The following TSPAN4 variants were observed in gnomAD, a reference collection of about 807,000 sequenced individuals.
TSPAN4 encodes tetraspanin 4, also known as tetraspanin-4.
A neutral mutation model predicts 31.5 loss-of-function variants in TSPAN4; 38 were observed. The ratio of observed to expected loss-of-function variants is 1.21; its 90% CI spans 0.93 to 1.58. The LOEUF is 1.58. Ranked by LOEUF, TSPAN4 falls within the 40% of genes most tolerant of loss-of-function variation. The probability of loss-of-function intolerance (pLI) is 0.00; values close to 1 mark genes in which losing one functional copy is unlikely to be tolerated. For missense variants in TSPAN4, 330 were observed against 317.3 expected (o/e 1.04, Z -0.30); for synonymous variants, 186 against 144.6 (o/e 1.29, Z -2.06).
At chr11:853,123 G>A (rs1422767986) in intron 3 of TSPAN4, among the ~76,000 whole-genome samples, 1 of 152,080 alleles carries the variant, frequency 6.6e-6, no homozygotes, top group African/African-American at 2.4e-5. Context: ...GGGAGGGGTT[G>A]GGGGGCTGGG....
At position 865,659 on chromosome 11, in the gene TSPAN4, C is replaced by G. The variant is rs199954651; in HGVS notation, c.433-35C>G. 153 of 1,612,560 alleles carry G rather than the reference C, an allele frequency of 9.5e-5. 1 individual carries two copies. The highest frequency in any genetic ancestry group is 6.7e-5 in the Admixed American group (4 of 59,968). Reference sequence around the variant, plus strand: ...GCGGGGTCGGCGGGTGCCCCCTCCCCTCCTGCCTCAGCCCGACCTGAGCTT... The same window carrying G: ...GCGGGGTCGGCGGGTGCCCCCTCCCGTCCTGCCTCAGCCCGACCTGAGCTT... On this transcript the variant is annotated intron_variant, in intron 6 of 8. Transcript: ENST00000397397.
chr11:853,437 T>G (rs1017899083), intron 3 of TSPAN4, among the ~76,000 whole-genome samples: 3 of 151,910 alleles, frequency 2.0e-5, no homozygotes, highest in Non-Finnish European at 4.4e-5. Context: ...CCTGGGGGCC[T>G]ACCTGGGAGG....
intron 3 of TSPAN4, among the ~76,000 whole-genome samples, chr11:855,170 G>A (rs887650285): frequency 5.3e-5 from 8 of 152,180 alleles, no homozygotes; most frequent in Admixed American, 3.9e-4. Context: ...CCCAGCTGGC[G>A]GCAGGGCAGG....
At position 862,782 on chromosome 11, in the gene TSPAN4, G is replaced by C. The variant is rs752397595; in HGVS notation, c.255+41G>C. 4 of 1,548,462 alleles carry C rather than the reference G, an allele frequency of 2.6e-6. No individual in the cohort carries two copies. In the African/African-American group the frequency reaches 5.5e-5, roughly 21 times the overall value. On this transcript the variant is annotated intron_variant, in intron 4 of 8. Transcript: ENST00000397397. Reference sequence around the variant, plus strand: ...CAAGCGATGCTCCGGGTGGGACCACGCAGGGTGGGGCTCCGGTGGCCCCCA... The same window carrying C: ...CAAGCGATGCTCCGGGTGGGACCACCCAGGGTGGGGCTCCGGTGGCCCCCA...
At chr11:856,428 G>C (rs1037274691) in intron 3 of TSPAN4, among the ~76,000 whole-genome samples, 6 of 152,098 alleles carry the variant, frequency 3.9e-5, no homozygotes, top group African/African-American at 1.5e-4. Context: ...CCGCTGACTG[G>C]AGGTGAAGAG....
chr11:843,215 C>T (rs976815735), intron 1 of TSPAN4: 2 of 152,252 alleles, frequency 1.3e-5, no homozygotes, highest in Non-Finnish European at 2.9e-5. Context: ...GGACGCGGCC[C>T]AGCCCCTAGG....
rs748587683 is a variant in TSPAN4, at chr11:865,825, G to A, written c.564G>A (p.Ala188=). 23 of 1,612,078 alleles carry A rather than the reference G, an allele frequency of 1.4e-5. No individual in the cohort carries two copies. In the South Asian group the frequency reaches 1.6e-4, roughly 12 times the overall value. ...GLHAPGTWWK[A]PCYETVKVWL... ...ACGCCCCCGGCACCTGGTGGAAGGCGGTGAGTGAGACCCCCACCCTGGGGG... is the reference window on the plus strand; with the variant it reads ...ACGCCCCCGGCACCTGGTGGAAGGCAGTGAGTGAGACCCCCACCCTGGGGG... Residue 188 remains alanine (A), a splice_region_variant and synonymous_variant, in exon 7 of 9, where the codon GCG becomes GCA. Coordinates refer to ENST00000397397, the MANE Select transcript of TSPAN4 (RefSeq NM_003271.5).
chr11:851,944 C>G (rs1847771513), intron 3 of TSPAN4, among the ~76,000 whole-genome samples: 1 of 150,462 alleles, frequency 6.6e-6, no homozygotes, highest in South Asian at 2.1e-4. Context: ...GGGGGTCTCT[C>G]TGCTCTGAGA....
intron 3 of TSPAN4, among the ~76,000 whole-genome samples, chr11:860,279 G>T (rs528552308): frequency 2.6e-5 from 4 of 152,328 alleles, no homozygotes; most frequent in South Asian, 4.1e-4. Context: ...CAGAGGGACC[G>T]AAGACACCAG....
chr11:862,949 T>C (rs928629288), intron 4 of TSPAN4: 1 of 584,696 alleles, frequency 1.7e-6, no homozygotes, highest in Non-Finnish European at 3.0e-6. Flanking sequence ...TGCAGAGCGG[T>C]GTGGGGGTCA....
At chr11:847,127 C>T (rs1277119023) in intron 1 of TSPAN4, 74 bp from the exon 2 acceptor site, 3 of 152,236 alleles carry the variant, frequency 2.0e-5, no homozygotes, top group Admixed American at 6.5e-5. Flanking sequence ...CCCTGCCCTT[C>T]TCTGGGAGCA....
At position 848,579 on chromosome 11, in the gene TSPAN4, C is replaced by T. The variant is rs933527993; in HGVS notation, c.-18+1279C>T. Among the ~76,000 whole-genome samples the T allele has an allele frequency of 2.6e-5, 4 of 152,154 alleles. No individual in the cohort carries two copies. Among genetic ancestry groups the T allele is most frequent in the Non-Finnish European group, 5.9e-5 (4 of 68,000 alleles). On this transcript the variant is annotated intron_variant, in intron 2 of 8. Coordinates refer to ENST00000397397, the MANE Select transcript of TSPAN4 (RefSeq NM_003271.5). The surrounding 1 kb of genome is among the most constrained non-coding windows in gnomAD (Gnocchi z 5.7). The stretch of plus-strand genomic sequence containing the variant: ...GGCTTCCACGGCAGCCCTCCCCAGA[C>T]CTGCCACCTCCCACATCAGTCACTC...
rs944427099 is a variant in TSPAN4, at chr11:848,155, G to A, written c.-18+855G>A. Among the ~76,000 whole-genome samples, 4 of 152,212 alleles carry A rather than the reference G, an allele frequency of 2.6e-5. No homozygotes were observed. The highest frequency in any genetic ancestry group is 5.9e-5 in the Non-Finnish European group (4 of 68,034). The stretch of plus-strand genomic sequence containing the variant: ...CCTGCGTGGCCAGGGGAAGGGGGCC[G>A]GGCGCCATCTGCTCTCTGGGCAGAG... On this transcript the variant is annotated intron_variant, in intron 2 of 8. Transcript: ENST00000397397. The surrounding 1 kb of genome is among the most constrained non-coding windows in gnomAD (Gnocchi z 5.7).
Position 866,959 on chromosome 11 carries a change from GA to G in TSPAN4, c.*333del. 4.1e-6 allele frequency: 1 copy of G among 243,094 alleles called. No homozygotes were observed. Among genetic ancestry groups the G allele is most frequent in the Non-Finnish European group, 8.0e-6 (1 of 125,454 alleles). 15.1% of individuals were successfully genotyped at this position (243,094 alleles called of 1,614,324 possible). ...CCAGCCTGTGGCCCCCAGCCTCCTG[GA>G]AAACAGGTTGGCGCTGGAGGAGCCG... On this transcript the variant is annotated 3_prime_UTR_variant, in exon 9 of 9. Transcript: ENST00000397397.
chr11:864,600 G>A (rs1320791520), intron 5 of TSPAN4, 89 bp downstream of exon 5: 4 of 1,540,412 alleles, frequency 2.6e-6, no homozygotes, highest in African/African-American at 2.7e-5. Context: ...TGTGGACAGA[G>A]TGGCCCTGCA....
At chr11:859,519 CTT>C (rs1467455972) in intron 3 of TSPAN4, 1 of 131,612 alleles carries the variant, frequency 7.6e-6, no homozygotes, top group African/African-American at 3.0e-5. Context: ...CGCACCCCCT[CTT>C]ACACGCACCC....
chr11:846,558 G>A (rs12577982), intron 1 of TSPAN4, among the ~76,000 whole-genome samples: 2 of 152,324 alleles, frequency 1.3e-5, no homozygotes, highest in East Asian at 3.9e-4. Flanking sequence ...GCGTTTGGCT[G>A]CCCAGGTGGG....
intron 3 of TSPAN4, among the ~76,000 whole-genome samples, chr11:860,439 T>G (rs1848394241): frequency 6.6e-6 from 1 of 152,178 alleles, no homozygotes; most frequent in Non-Finnish European, 1.5e-5. Flanking sequence ...CGCTGGCTGA[T>G]GCACTGCTCA....
rs986428798 is a variant in TSPAN4 at position 848,300 on chromosome 11, C to G, written c.-18+1000C>G. On this transcript the variant is annotated intron_variant, in intron 2 of 8. Transcript: ENST00000397397. The surrounding 1 kb of genome is among the most constrained non-coding windows in gnomAD (Gnocchi z 5.7). ...GGGCCCAGACCCACCAAAGAACCCC[C>G]AGGGGAAGGACAGGGTAGGGGCCAT... Among the ~76,000 whole-genome samples, 14 of 152,228 alleles carry G rather than the reference C, an allele frequency of 9.2e-5. No individual in the cohort carries two copies. The highest frequency in any genetic ancestry group is 3.1e-4 in the African/African-American group (13 of 41,466).
Sources: gnomAD v4.1 joint callset for allele counts (sites outside exome capture counted in the v4.1 genomes callset) on GRCh38, gnomAD v4.1.1 for gene constraint, Gnocchi (gnomAD v3.1) non-coding constraint, MANE v1.5 for transcripts, NCBI Gene and HGNC (gene_info 2026-07-23, HGNC 2026-07-21) for gene names.